Variants in MEOX2 observed in about 807,000 individuals in gnomAD.
The protein encoded by MEOX2 is mesenchyme homeobox 2, also known as homeobox protein MOX-2.
Under a neutral mutation model 27.0 loss-of-function variants are expected in MEOX2, and 11 were observed. The observed-to-expected ratio is 0.41, with a 90% confidence interval of 0.26 to 0.68. MEOX2 has a LOEUF of 0.68. MEOX2 is among the 30% of genes least tolerant of loss of function. The pLI is 0.33. For missense variants in MEOX2, 436 were observed against 385.4 expected, an observed-to-expected ratio of 1.13 and a Z score of -1.10; for synonymous variants, 189 against 155.4, an observed-to-expected ratio of 1.22 and a Z score of -1.61.
At chr7:15,619,576 C>A (rs2189449) in intron 2 of MEOX2, among the ~76,000 whole-genome samples, 1 of 151,472 alleles carries the variant, frequency 6.6e-6, no homozygotes, top group South Asian at 2.1e-4. Flanking sequence ...AATAAAGGCT[C>A]ATTTTATTTG....
At chr7:15,644,126 A>G (rs1781605903) in intron 1 of MEOX2, among the ~76,000 whole-genome samples, 2 of 152,184 alleles carry the variant, frequency 1.3e-5, no homozygotes, top group African/African-American at 4.8e-5. Context: ...CCTAGCAGAC[A>G]GCAGGAGCTG....
At chr7:15,649,847 G>C (rs1781709278) in intron 1 of MEOX2, among the ~76,000 whole-genome samples, 1 of 152,074 alleles carries the variant, frequency 6.6e-6, no homozygotes, top group African/African-American at 2.4e-5. Flanking sequence ...TAAGCCATCA[G>C]GAACTCAGGA....
chr7:15,626,672 T>A (rs1781313175), intron 2 of MEOX2, 74 bp downstream of exon 2: 1 of 1,116,686 alleles, frequency 9.0e-7, no homozygotes, highest in Non-Finnish European at 1.3e-6. Context: ...ATCTAGGTAT[T>A]TCAAATATGG....
rs762475762 is a variant in MEOX2, at chr7:15,686,368, G to A, written c.35C>T (p.Pro12Leu). The change falls in exon 1 of 3, where the codon CCT becomes CTT. Residue 12 changes from proline to leucine, a missense_variant. By Grantham distance (98) the Pro-to-Leu change is moderately conservative. Transcript: ENST00000262041. ...GTGCAAGCCTTGCGCCGTGGCGTGA[G>A]GGCTGCGCAGGCAGCCAAAGAGCGG... ...EHPLFGCLRS[P>L]HATAQGLHPF... The A allele has an allele frequency of 5.7e-6, 9 of 1,586,748 alleles. No individual in the cohort carries two copies. The African/African-American group carries it at 6.7e-5, about 12-fold the overall frequency.
At chr7:15,638,817 CT>C (rs946408510) in intron 1 of MEOX2, among the ~76,000 whole-genome samples, 1 of 151,984 alleles carries the variant, frequency 6.6e-6, no homozygotes, top group African/African-American at 2.4e-5. Flanking sequence ...GATTTGATAC[CT>C]TTTTTATGGC....
intron 1 of MEOX2, among the ~76,000 whole-genome samples, chr7:15,638,867 T>C (rs1329384357): frequency 6.6e-6 from 1 of 152,170 alleles, no homozygotes. Context: ...CACAATTTCT[T>C]TACGCGATCA....
intron 1 of MEOX2, among the ~76,000 whole-genome samples, chr7:15,633,561 C>T (rs1470911802): frequency 6.6e-6 from 1 of 151,832 alleles, no homozygotes; most frequent in Non-Finnish European, 1.5e-5. Context: ...CAGTAAAACC[C>T]TTGGACATGC....
chr7:15,653,804 C>G (rs551477045), intron 1 of MEOX2, among the ~76,000 whole-genome samples: 1 of 152,072 alleles, frequency 6.6e-6, no homozygotes, highest in African/African-American at 2.4e-5. Flanking sequence ...CAATACCACA[C>G]AGTTTTGATT....
chr7:15,627,765 G>T (rs1196680767), intron 1 of MEOX2, among the ~76,000 whole-genome samples: 2 of 146,484 alleles, frequency 1.4e-5, no homozygotes, highest in African/African-American at 2.6e-5. Flanking sequence ...TAGGTCAGAA[G>T]ACATTCTTAA....
At chr7:15,661,800 T>C (rs1781923589) in intron 1 of MEOX2, among the ~76,000 whole-genome samples, 1 of 152,284 alleles carries the variant, frequency 6.6e-6, no homozygotes, top group South Asian at 2.1e-4. Flanking sequence ...TTGACATTAT[T>C]AGTACCACTC....
At chr7:15,644,343 TG>T in intron 1 of MEOX2, among the ~76,000 whole-genome samples, 1 of 152,326 alleles carries the variant, frequency 6.6e-6, no homozygotes, top group East Asian at 1.9e-4. Flanking sequence ...CTCAGAGTTC[TG>T]TGGCTAAATA....
intron 1 of MEOX2, among the ~76,000 whole-genome samples, chr7:15,650,571 T>C (rs778753515): frequency 2.0e-5 from 3 of 152,094 alleles, no homozygotes; most frequent in Non-Finnish European, 2.9e-5. Flanking sequence ...TATTTATAAA[T>C]GTTTACTGAA....
chr7:15,676,264 GA>G (rs991657954), intron 1 of MEOX2: 4 of 152,220 alleles, frequency 2.6e-5, no homozygotes, highest in Non-Finnish European at 5.9e-5. Flanking sequence ...TTTGTAAAAA[GA>G]AATTATATCA....
intron 1 of MEOX2, among the ~76,000 whole-genome samples, chr7:15,662,391 T>A (rs951687801): frequency 2.0e-5 from 3 of 152,026 alleles, no homozygotes; most frequent in Non-Finnish European, 4.4e-5. Flanking sequence ...CAATTCTACT[T>A]ATAGTTAATT....
At chr7:15,668,666 G>C (rs1165007787) in intron 1 of MEOX2, among the ~76,000 whole-genome samples, 1 of 151,974 alleles carries the variant, frequency 6.6e-6, no homozygotes, top group East Asian at 1.9e-4. Flanking sequence ...AGTAGAGATG[G>C]GGTTTCACCA....
At chr7:15,657,389 C>T (rs1781839942) in intron 1 of MEOX2, among the ~76,000 whole-genome samples, 1 of 152,046 alleles carries the variant, frequency 6.6e-6, no homozygotes, top group South Asian at 2.1e-4. Flanking sequence ...TTTCAATTTT[C>T]TTTTTATCAT....
chr7:15,617,288 A>G (rs975246273), intron 2 of MEOX2, among the ~76,000 whole-genome samples: 7 of 152,056 alleles, frequency 4.6e-5, no homozygotes, highest in African/African-American at 9.7e-5. Context: ...TATTGTAGAC[A>G]TTGTCTAACA....
At chr7:15,639,843 A>G (rs1333966519) in intron 1 of MEOX2, among the ~76,000 whole-genome samples, 1 of 152,034 alleles carries the variant, frequency 6.6e-6, no homozygotes, top group Non-Finnish European at 1.5e-5. Flanking sequence ...ACCAGTACCA[A>G]ACTGTTTTGG....
In MEOX2 at chr7:15,611,796, T is replaced by C. The variant is rs1781035784; in HGVS notation, c.*591A>G. 1 of 153,368 alleles carries C rather than the reference T, an allele frequency of 6.5e-6. No individual in the cohort carries two copies. Among genetic ancestry groups the C allele is most frequent in the Non-Finnish European group, 1.5e-5 (1 of 68,648 alleles). 9.5% of individuals were successfully genotyped at this position (153,368 alleles called of 1,614,324 possible). A position where few individuals can be genotyped will look rare whatever the true frequency, so the allele number is the denominator to read the frequency against. On this transcript the variant is annotated 3_prime_UTR_variant, in exon 3 of 3. Coordinates refer to ENST00000262041, the MANE Select transcript of MEOX2 (RefSeq NM_005924.5). ...GCCTATTTTCATCAGCTAATATGAA[T>C]GCATTGCTAAATTAGTGAAGACAGG...
Sources: allele counts gnomAD v4.1 joint callset (sites outside exome capture counted in the v4.1 genomes callset), GRCh38; gene constraint gnomAD v4.1.1; transcripts MANE v1.5; gene names NCBI Gene and HGNC (gene_info 2026-07-23, HGNC 2026-07-21).